Variants in NUBPL observed in about 807,000 individuals in gnomAD.
NUBPL encodes the protein NUBP iron-sulfur cluster assembly factor, mitochondrial.
NUBPL carries 31 observed loss-of-function variants against 45.7 expected under a neutral mutation model. The observed-to-expected ratio is 0.68, with a 90% CI of 0.51 to 0.92. The LOEUF (loss-of-function observed/expected upper bound fraction) is 0.92, where lower values mean the gene tolerates loss of function less well. NUBPL is among the 40% of genes least tolerant of loss of function. NUBPL has a pLI of 0.00. For synonymous variants in NUBPL, 144 were observed against 140.9 expected (o/e 1.02, Z -0.15); for missense variants, 401 against 398.7 (o/e 1.01, Z -0.05).
intron 4 of NUBPL, chr14:31,662,146 G>T (rs981953806): frequency 2.0e-5 from 3 of 151,796 alleles, no homozygotes; most frequent in African/African-American, 7.3e-5. Flanking sequence ...GTGAGTACCT[G>T]TTAAATTTTA....
intron 4 of NUBPL, among the ~76,000 whole-genome samples, chr14:31,646,721 C>G: frequency 6.6e-6 from 1 of 151,982 alleles, no homozygotes; most frequent in East Asian, 1.9e-4. Flanking sequence ...TTGGTGTTCT[C>G]TGATCTTCCT....
At chr14:31,753,110 A>G (rs910346338) in intron 6 of NUBPL, among the ~76,000 whole-genome samples, 4 of 152,196 alleles carry the variant, frequency 2.6e-5, no homozygotes, top group Non-Finnish European at 5.9e-5. Flanking sequence ...AGCGTCAGTG[A>G]TGTCTGCAAA....
At chr14:31,837,839 A>G (rs1009365978) in intron 8 of NUBPL, among the ~76,000 whole-genome samples, 1 of 152,230 alleles carries the variant, frequency 6.6e-6, no homozygotes, top group Non-Finnish European at 1.5e-5. Context: ...TTAAAACCAT[A>G]GTAGAAAAGA....
chr14:31,763,950 A>C (rs536054064), intron 6 of NUBPL, among the ~76,000 whole-genome samples: 2 of 152,334 alleles, frequency 1.3e-5, no homozygotes, highest in East Asian at 3.8e-4. Flanking sequence ...ACTTATCTGG[A>C]CACTGGTACT....
chr14:31,675,918 C>G (rs1303453488), intron 6 of NUBPL, among the ~76,000 whole-genome samples: 1 of 152,140 alleles, frequency 6.6e-6, no homozygotes, highest in East Asian at 1.9e-4. Flanking sequence ...TTCCTTGGGT[C>G]CCCTTCTGTT....
intron 7 of NUBPL, among the ~76,000 whole-genome samples, chr14:31,812,770 G>A (rs552327335): frequency 1.3e-5 from 2 of 152,242 alleles, no homozygotes; most frequent in East Asian, 1.9e-4. Flanking sequence ...CATCTTGCAA[G>A]GGTTTTATCT....
chr14:31,841,917 CTTTTTTTTTT>C lies in NUBPL; in HGVS notation c.694-4532_694-4523del, dbSNP rs547795007. Among the ~76,000 whole-genome samples the C allele has an allele frequency of 6.6e-3, 282 of 43,018 alleles. 2 individuals carry two copies. The highest frequency in any genetic ancestry group is 0.025 in the African/African-American group (271 of 10,784). 28.2% of individuals were successfully genotyped at this position (43,018 alleles called of 152,430 possible). ...CTTTCATGTATGGGTCGATTCTGGG[CTTTTTTTTTT>C]TTTTTTTTTTTTTTTTTTTTTGAGA... is the stretch of plus-strand genomic sequence containing the variant. On this transcript the variant is annotated intron_variant, in intron 8 of 10. Coordinates refer to ENST00000281081, the MANE Select transcript of NUBPL (RefSeq NM_025152.3).
intron 4 of NUBPL, among the ~76,000 whole-genome samples, chr14:31,645,805 G>T: frequency 1.6e-5 from 2 of 123,708 alleles, no homozygotes; most frequent in South Asian, 2.6e-4. Context: ...CTTTTGTTGT[G>T]TCATTTTACG....
intron 4 of NUBPL, among the ~76,000 whole-genome samples, chr14:31,634,899 G>T (rs1478745186): frequency 1.4e-5 from 2 of 148,002 alleles, no homozygotes; most frequent in African/African-American, 2.6e-5. Flanking sequence ...TTTGAGAAGT[G>T]TCTGTTCATA....
At chr14:31,684,385 T>C (rs1390288814) in intron 6 of NUBPL, among the ~76,000 whole-genome samples, 1 of 152,244 alleles carries the variant, frequency 6.6e-6, no homozygotes, top group Non-Finnish European at 1.5e-5. Context: ...AGCATTGCTT[T>C]ATCCCTGTAT....
At chr14:31,859,097 A>C (rs2040670790) in intron 10 of NUBPL, 21 bp from the exon 11 acceptor site, 1 of 1,610,550 alleles carries the variant, frequency 6.2e-7, no homozygotes, top group Admixed American at 1.7e-5. Flanking sequence ...ATACAGAACA[A>C]ATAAGTTTGT....
intron 7 of NUBPL, among the ~76,000 whole-genome samples, chr14:31,800,446 C>G (rs1327899271): frequency 6.6e-6 from 1 of 152,148 alleles, no homozygotes. Flanking sequence ...ATCACCATAA[C>G]AGATATAACC....
intron 4 of NUBPL, among the ~76,000 whole-genome samples, chr14:31,631,654 A>T (rs2035347542): frequency 1.3e-5 from 2 of 152,100 alleles, no homozygotes; most frequent in Non-Finnish European, 2.9e-5. Context: ...CAATGATATA[A>T]GTTTTAGGTG....
At chr14:31,664,835 G>A (rs2036365788) in intron 4 of NUBPL, among the ~76,000 whole-genome samples, 1 of 152,162 alleles carries the variant, frequency 6.6e-6, no homozygotes, top group Admixed American at 6.6e-5. Context: ...TTGTACCTCT[G>A]GTAGAGTTCG....
At chr14:31,564,501 T>A (rs1595282598) in intron 2 of NUBPL, among the ~76,000 whole-genome samples, 1 of 106,140 alleles carries the variant, frequency 9.4e-6, no homozygotes, top group South Asian at 3.1e-4. Flanking sequence ...CAAGACCCTG[T>A]CTGTAAAAAA....
chr14:31,613,052 T>C (rs1361271917), intron 4 of NUBPL, among the ~76,000 whole-genome samples: 4 of 152,176 alleles, frequency 2.6e-5, no homozygotes, highest in Non-Finnish European at 5.9e-5. Context: ...TAAGTGTCCA[T>C]CAACAGATGA....
intron 3 of NUBPL, among the ~76,000 whole-genome samples, chr14:31,596,563 C>T (rs1477526029): frequency 6.6e-6 from 1 of 152,162 alleles, no homozygotes; most frequent in Non-Finnish European, 1.5e-5. Flanking sequence ...CTTGATGCTA[C>T]AATGGTAATG....
chr14:31,673,397 G>T lies in NUBPL; in HGVS notation c.422+3G>T, dbSNP rs768640478. On this transcript the variant is annotated splice_donor_region_variant and intron_variant, in intron 5 of 10. Transcript: ENST00000281081. Reference sequence around the variant, plus strand: ...CTCTTGAATTATGGTATTGCTTGGTGAGCATATATATATTTTTAATGTTAC... The same window carrying T: ...CTCTTGAATTATGGTATTGCTTGGTTAGCATATATATATTTTTAATGTTAC... 22 of 1,607,530 alleles carry T rather than the reference G, an allele frequency of 1.4e-5. No individual in the cohort carries two copies. The highest frequency in any genetic ancestry group is 2.6e-6 in the Non-Finnish European group (3 of 1,175,920).
chr14:31,659,942 T>G (rs2036229160), intron 4 of NUBPL, among the ~76,000 whole-genome samples: 1 of 152,126 alleles, frequency 6.6e-6, no homozygotes, highest in South Asian at 2.1e-4. Context: ...CTTTCAGCTT[T>G]TAGATGGTAG....
Sources: allele counts gnomAD v4.1 joint callset (sites outside exome capture counted in the v4.1 genomes callset), GRCh38; gene constraint gnomAD v4.1.1; transcripts MANE v1.5; gene names NCBI Gene and HGNC (gene_info 2026-07-23, HGNC 2026-07-21).